The following HDLBP variants were observed in gnomAD, a reference collection of about 807,000 sequenced individuals.
HDLBP encodes vigilin.
In HDLBP, 30 loss-of-function variants were observed where a neutral mutation model predicts 137.3. That is an observed-to-expected ratio of 0.22 (90% CI 0.16 to 0.30). The LOEUF (loss-of-function observed/expected upper bound fraction) is 0.30, where lower values mean the gene tolerates loss of function less well. Among genes scored for constraint, HDLBP ranks in the 10% least tolerant of loss-of-function variants. The pLI is 1.00. For synonymous variants in HDLBP, 606 were observed against 596.0 expected, an observed-to-expected ratio of 1.02 and a Z score of -0.24; for missense variants, 1,119 against 1,667.3, an observed-to-expected ratio of 0.67 and a Z score of 5.73.
rs2069541334 is a variant in HDLBP at position 241,229,980 on chromosome 2, A to G, written c.3592-19T>C. ...CAGCTAGCTGCAGGCAGAAGACAGG[A>G]AGACAGGGTCAGTCTGCCCAGCACC... On this transcript the variant is annotated intron_variant, in intron 26 of 27. Coordinates refer to ENST00000310931, the MANE Select transcript of HDLBP (RefSeq NM_005336.6). 6.3e-7 allele frequency: 1 copy of G among 1,587,194 alleles called. No individual in the cohort carries two copies. Among genetic ancestry groups the G allele is most frequent in the Non-Finnish European group, 8.6e-7 (1 of 1,165,874 alleles).
At chr2:241,312,767 T>C (rs1215327182) in intron 1 of HDLBP, among the ~76,000 whole-genome samples, 2 of 152,074 alleles carry the variant, frequency 1.3e-5, no homozygotes, top group Non-Finnish European at 2.9e-5. Context: ...GTTCTCTGCT[T>C]AAGCCCTTTC....
At chr2:241,232,993 A>ATG (rs1553634996) in intron 24 of HDLBP, among the ~76,000 whole-genome samples, 1 of 151,036 alleles carries the variant, frequency 6.6e-6, no homozygotes, top group East Asian at 2.0e-4. Flanking sequence ...AAGAAGGGGA[A>ATG]GGGGAAGGGG....
At chr2:241,275,727 G>C (rs1575004142) in intron 1 of HDLBP, among the ~76,000 whole-genome samples, 1 of 152,122 alleles carries the variant, frequency 6.6e-6, no homozygotes, top group African/African-American at 2.4e-5. Context: ...AATACTATGA[G>C]ACCAAAGGCA....
At chr2:241,266,540 T>C in intron 3 of HDLBP, 1 of 463,252 alleles carries the variant, frequency 2.2e-6, no homozygotes, top group Non-Finnish European at 3.9e-6. Context: ...TAATTACCAA[T>C]GGTCAAATTC....
chr2:241,263,054 C>CT, intron 4 of HDLBP, 128 bp from the exon 5 acceptor site: 1 of 704,896 alleles, frequency 1.4e-6, no homozygotes, highest in Admixed American at 2.6e-5. Context: ...AGGCACTGCT[C>CT]GAAGCCCTGG....
intron 20 of HDLBP, 57 bp from the exon 21 acceptor site, chr2:241,236,826 T>C: frequency 1.3e-6 from 2 of 1,570,494 alleles, no homozygotes; most frequent in South Asian, 2.3e-5. Flanking sequence ...CCCCACACCT[T>C]GTTCAGAATG....
rs199516054 is a variant in HDLBP, at chr2:241,256,346, G to A, written c.711C>T (p.Ile237=). 3.0e-5 allele frequency: 48 copies of A among 1,613,810 alleles called. No individual in the cohort carries two copies. Among genetic ancestry groups the A allele is most frequent in the East Asian group, 2.2e-5 (1 of 44,888 alleles). The change falls in exon 7 of 28, where the codon ATC becomes ATT. Residue 237 remains isoleucine, a synonymous_variant. Coordinates refer to ENST00000310931, the MANE Select transcript of HDLBP (RefSeq NM_005336.6). The stretch of plus-strand genomic sequence containing the variant: ...CAACCAGTCTATTATACGGCCCAGC[G>A]ATGAAGGGGTGGAATGCCTTTTCTA... ...LEVEKAFHPF[I]AGPYNRLVGE...
intron 21 of HDLBP, chr2:241,236,136 T>C: frequency 5.0e-6 from 1 of 198,764 alleles, no homozygotes; most frequent in Non-Finnish European, 1.0e-5. Flanking sequence ...ATATCTGCGT[T>C]GACTGCTTGT....
At chr2:241,293,928 A>AC (rs1298829403) in intron 1 of HDLBP, among the ~76,000 whole-genome samples, 1 of 151,910 alleles carries the variant, frequency 6.6e-6, no homozygotes, top group Non-Finnish European at 1.5e-5. Flanking sequence ...CCTCAAAAAA[A>AC]AAAAAAAACA....
At position 241,264,495 on chromosome 2, in the gene HDLBP, C is replaced by A. The variant is rs182727333; in HGVS notation, c.187G>T (p.Ala63Ser). 86 of 1,612,660 alleles carry A rather than the reference C, an allele frequency of 5.3e-5. No homozygotes were observed. In the East Asian group the frequency reaches 7.8e-4, roughly 15 times the overall value. Residue 63 changes from alanine to serine, a missense_variant, in exon 4 of 28, where the codon GCC (alanine) becomes TCC (serine). By Grantham distance (99) the Ala-to-Ser change is moderately conservative. Coordinates refer to ENST00000310931, the MANE Select transcript of HDLBP (RefSeq NM_005336.6). ...CLESAQEPAG[A>S]WGNKIRPIKA... ...ATGGGTCGGATCTTGTTCCCCCAGGCTCCAGCGGGTTCCTGGGCACTTTCC... is the reference window on the plus strand; with the variant it reads ...ATGGGTCGGATCTTGTTCCCCCAGGATCCAGCGGGTTCCTGGGCACTTTCC...
chr2:241,233,444 C>T lies in HDLBP; in HGVS notation c.3288+376G>A, dbSNP rs1186808343. Reference sequence around the variant, plus strand: ...GCTGGGGCTGCAGAGAAATGTCCACCTGACCCCAAGAGGCCCAGGTGACAG... The same window carrying T: ...GCTGGGGCTGCAGAGAAATGTCCACTTGACCCCAAGAGGCCCAGGTGACAG... On this transcript the variant is annotated intron_variant, in intron 24 of 27. Coordinates refer to ENST00000310931, the MANE Select transcript of HDLBP (RefSeq NM_005336.6). This position sits in a 1 kb window ranked among gnomAD's most constrained non-coding sequence, Gnocchi z 4.3. Among the ~76,000 whole-genome samples the T allele has an allele frequency of 6.6e-6, 1 of 152,172 alleles. No individual in the cohort carries two copies. Among genetic ancestry groups the T allele is most frequent in the African/African-American group, 2.4e-5 (1 of 41,448 alleles).
chr2:241,238,901 C>T lies in HDLBP; in HGVS notation c.2611-114G>A. 1.3e-6 allele frequency: 1 copy of T among 793,206 alleles called. No individual in the cohort carries two copies. The highest frequency in any genetic ancestry group is 1.9e-6 in the Non-Finnish European group (1 of 533,192). 49.1% of individuals were successfully genotyped at this position (793,206 alleles called of 1,614,324 possible). On this transcript the variant is annotated intron_variant, in intron 19 of 27. Coordinates refer to ENST00000310931, the MANE Select transcript of HDLBP (RefSeq NM_005336.6). This position sits in a 1 kb window ranked among gnomAD's most constrained non-coding sequence, Gnocchi z 4.9. Reference sequence around the variant, plus strand: ...CCCTGTCCTCTACAGCCACTTGGCACAGATGCTCCCCTTCTCCCGAGTCCA... The same window carrying T: ...CCCTGTCCTCTACAGCCACTTGGCATAGATGCTCCCCTTCTCCCGAGTCCA...
chr2:241,253,918 G>A (rs1001086973), intron 9 of HDLBP, among the ~76,000 whole-genome samples: 3 of 152,190 alleles, frequency 2.0e-5, no homozygotes, highest in African/African-American at 4.8e-5. Context: ...AGACAAGGCT[G>A]CCAGAGTTCC....
At chr2:241,242,188 C>T (rs940224685) in intron 17 of HDLBP, among the ~76,000 whole-genome samples, 2 of 152,130 alleles carry the variant, frequency 1.3e-5, no homozygotes, top group Non-Finnish European at 2.9e-5. Flanking sequence ...TGAAGAATGG[C>T]CAATTTTACT....
Position 241,240,268 on chromosome 2 carries a change from G to A in HDLBP, c.2170-146C>T. 1.4e-6 allele frequency: 1 copy of A among 732,398 alleles called. No individual in the cohort carries two copies. The highest frequency in any genetic ancestry group is 2.4e-6 in the Non-Finnish European group (1 of 412,234). 45.4% of individuals were successfully genotyped at this position (732,398 alleles called of 1,614,324 possible). A position where few individuals can be genotyped will look rare whatever the true frequency, so the allele number is the denominator to read the frequency against. On this transcript the variant is annotated intron_variant, in intron 17 of 27. Transcript: ENST00000310931. The surrounding 1 kb of genome is among the most constrained non-coding windows in gnomAD (Gnocchi z 5.5). ...ATGTTGCACCAATACCCCCAAAATG[G>A]GGCTAGCACACCTCACTGAATAAAC...
chr2:241,246,624 G>C lies in HDLBP; in HGVS notation c.1950+128C>G, dbSNP rs73114196. On this transcript the variant is annotated intron_variant, in intron 16 of 27. Transcript: ENST00000310931. ...GACCAACTCATCAGTAGCCTGGATT[G>C]AAAGGTGCAATCTTCCACATCAGCC... The C allele has an allele frequency of 3.3e-6, 3 of 901,676 alleles. No individual in the cohort carries two copies. In the South Asian group the frequency reaches 5.1e-5, roughly 15 times the overall value. 55.9% of individuals were successfully genotyped at this position (901,676 alleles called of 1,614,324 possible). A position where few individuals can be genotyped will look rare whatever the true frequency, so the allele number is the denominator to read the frequency against.
chr2:241,287,750 C>T (rs574317534), intron 1 of HDLBP, among the ~76,000 whole-genome samples: 1 of 152,248 alleles, frequency 6.6e-6, no homozygotes, highest in South Asian at 2.1e-4. Context: ...TGATATGTAA[C>T]CAGTCGTGTT....
intron 10 of HDLBP, 90 bp from the exon 11 acceptor site, chr2:241,253,125 T>G (rs2072331341): frequency 1.1e-6 from 1 of 871,068 alleles, no homozygotes; most frequent in East Asian, 2.5e-5. Context: ...GGTTGCCTTT[T>G]CTGACCACTC....
At chr2:241,235,649 G>A (rs904761760) in intron 21 of HDLBP, 55 bp from the exon 22 acceptor site, 7 of 1,284,126 alleles carry the variant, frequency 5.5e-6, no homozygotes, top group Admixed American at 3.4e-5. Flanking sequence ...GAGTGACGTT[G>A]TAAGCTCAGC....
Sources: allele counts gnomAD v4.1 joint callset (sites outside exome capture counted in the v4.1 genomes callset), GRCh38; gene constraint gnomAD v4.1.1; non-coding constraint Gnocchi (gnomAD v3.1); transcripts MANE v1.5; gene names NCBI Gene and HGNC (gene_info 2026-07-23, HGNC 2026-07-21).